DPP10: variants seen among roughly 807,000 people sequenced by gnomAD.
The protein encoded by DPP10 is inactive dipeptidyl peptidase 10.
A neutral mutation model predicts 120.9 loss-of-function variants in DPP10; 33 were observed. The ratio of observed to expected loss-of-function variants is 0.27; its 90% CI spans 0.21 to 0.37. The LOEUF (loss-of-function observed/expected upper bound fraction) is 0.37, where lower values mean the gene tolerates loss of function less well. Among genes scored for constraint, DPP10 ranks in the 10% least tolerant of loss-of-function variants. The pLI, the probability that DPP10 is intolerant of heterozygous loss-of-function variation, is 1.00. For missense variants in DPP10, 816 were observed against 942.8 expected, an observed-to-expected ratio of 0.87 and a Z score of 1.76; for synonymous variants, 337 against 326.1, an observed-to-expected ratio of 1.03 and a Z score of -0.36.
At chr2:114,905,495 TA>T (rs1322517888) in intron 1 of DPP10, among the ~76,000 whole-genome samples, 5 of 152,212 alleles carry the variant, frequency 3.3e-5, no homozygotes, top group Admixed American at 6.5e-5. Context: ...ACTTTTATTT[TA>T]AATTCGGATT....
intron 3 of DPP10, among the ~76,000 whole-genome samples, chr2:115,348,676 G>A (rs2063833824): frequency 6.6e-6 from 1 of 151,918 alleles, no homozygotes; most frequent in Non-Finnish European, 1.5e-5. Context: ...AAATTTATCT[G>A]ATGGAGTATA....
At chr2:115,032,896 A>AG (rs1356138391) in intron 1 of DPP10, among the ~76,000 whole-genome samples, 23 of 151,548 alleles carry the variant, frequency 1.5e-4, no homozygotes, top group Admixed American at 7.2e-4. Context: ...AAAAAAAAAA[A>AG]AAGAAGAAGA....
At chr2:114,943,626 C>T (rs1284300237) in intron 1 of DPP10, among the ~76,000 whole-genome samples, 1 of 152,074 alleles carries the variant, frequency 6.6e-6, no homozygotes. Context: ...GGGTTGGTTC[C>T]AAGTCTTTGC....
At chr2:115,405,507 C>T (rs572252330) in intron 3 of DPP10, among the ~76,000 whole-genome samples, 1 of 152,152 alleles carries the variant, frequency 6.6e-6, no homozygotes, top group East Asian at 1.9e-4. Flanking sequence ...GGTCTGGAGT[C>T]CAGAGGGAAG....
At chr2:114,920,130 T>C (rs189503468) in intron 1 of DPP10, among the ~76,000 whole-genome samples, 1 of 152,326 alleles carries the variant, frequency 6.6e-6, no homozygotes, top group East Asian at 1.9e-4. Context: ...GCAGAATGGC[T>C]AGCTTCGGGA....
intron 3 of DPP10, among the ~76,000 whole-genome samples, chr2:115,420,958 C>G (rs947290875): frequency 6.6e-6 from 1 of 152,132 alleles, no homozygotes; most frequent in Non-Finnish European, 1.5e-5. Flanking sequence ...TCTAGAAATA[C>G]GTAATTTTAT....
At chr2:115,759,391 C>G (rs1158182219) in intron 11 of DPP10, among the ~76,000 whole-genome samples, 1 of 146,480 alleles carries the variant, frequency 6.8e-6, no homozygotes, top group African/African-American at 2.6e-5. Context: ...GATCCCATTT[C>G]TATATAAAAA....
chr2:115,797,049 C>A (rs1301575450), intron 19 of DPP10, among the ~76,000 whole-genome samples: 1 of 152,014 alleles, frequency 6.6e-6, no homozygotes, highest in Non-Finnish European at 1.5e-5. Flanking sequence ...GGCTTCTCTA[C>A]TGCCAAATTC....
intron 5 of DPP10, among the ~76,000 whole-genome samples, chr2:115,664,596 A>G (rs1277152713): frequency 6.6e-6 from 1 of 152,158 alleles, no homozygotes. Context: ...TGCTTTTCTC[A>G]AGAAAAATCT....
chr2:115,772,078 A>G (rs113524963), intron 13 of DPP10, among the ~76,000 whole-genome samples: 3,162 of 152,152 alleles, frequency 0.021, 108 homozygotes, highest in African/African-American at 0.071. Flanking sequence ...AAAAGAATGC[A>G]TGTGTTTTCC....
At chr2:115,284,623 A>C (rs2060291599) in intron 1 of DPP10, among the ~76,000 whole-genome samples, 1 of 152,024 alleles carries the variant, frequency 6.6e-6, no homozygotes, top group Non-Finnish European at 1.5e-5. Flanking sequence ...TGCTGTTGTT[A>C]GGAGGTAGCT....
intron 3 of DPP10, among the ~76,000 whole-genome samples, chr2:115,380,470 G>C (rs569406672): frequency 6.6e-4 from 101 of 152,258 alleles, no homozygotes; most frequent in African/African-American, 2.3e-3. Flanking sequence ...TGGGTTTCCT[G>C]AATACAGCAC....
rs544327296 is a variant in DPP10 at position 115,125,993 on chromosome 2, T to A, written c.61-183246T>A. ...TGAGATCGTGTATATATTTCCAAAATGACCAAATACATACTTTTATTGAAA... is the reference window on the plus strand; with the variant it reads ...TGAGATCGTGTATATATTTCCAAAAAGACCAAATACATACTTTTATTGAAA... On this transcript the variant is annotated intron_variant, in intron 1 of 25. Transcript: ENST00000410059. Among the ~76,000 whole-genome samples the A allele has an allele frequency of 1.3e-4, 20 of 152,350 alleles. No homozygotes were observed. In the South Asian group the frequency reaches 3.9e-3, roughly 30 times the overall value.
At chr2:115,270,355 G>T (rs2059647116) in intron 1 of DPP10, among the ~76,000 whole-genome samples, 1 of 152,034 alleles carries the variant, frequency 6.6e-6, no homozygotes, top group African/African-American at 2.4e-5. Context: ...CAGGGGGCAA[G>T]GTTGCAGGGG....
chr2:115,389,784 T>C (rs1478742001), intron 3 of DPP10, among the ~76,000 whole-genome samples: 3 of 151,888 alleles, frequency 2.0e-5, no homozygotes, highest in Non-Finnish European at 4.4e-5. Flanking sequence ...AGTTTATGAT[T>C]ATTTATCTTA....
intron 5 of DPP10, among the ~76,000 whole-genome samples, chr2:115,553,786 A>G (rs1387510507): frequency 6.6e-6 from 1 of 151,690 alleles, no homozygotes; most frequent in Non-Finnish European, 1.5e-5. Flanking sequence ...ATGCTTATAT[A>G]GATGTTTCTT....
At chr2:115,765,959 G>A (rs1680654261) in intron 12 of DPP10, among the ~76,000 whole-genome samples, 1 of 152,014 alleles carries the variant, frequency 6.6e-6, no homozygotes, top group Non-Finnish European at 1.5e-5. Flanking sequence ...GTCAAGAGAT[G>A]TATTGTGAAT....
chr2:114,936,641 C>G (rs1696505106), intron 1 of DPP10, among the ~76,000 whole-genome samples: 2 of 151,992 alleles, frequency 1.3e-5, no homozygotes, highest in South Asian at 4.1e-4. Flanking sequence ...GGTGGATCTA[C>G]TTTTGTTTCT....
At chr2:115,544,614 G>A (rs1365792811) in intron 5 of DPP10, among the ~76,000 whole-genome samples, 1 of 152,006 alleles carries the variant, frequency 6.6e-6, no homozygotes, top group Non-Finnish European at 1.5e-5. Context: ...CCCATCAAGA[G>A]TATAACTCTG....
Sources: allele counts gnomAD v4.1 joint callset (sites outside exome capture counted in the v4.1 genomes callset), GRCh38; gene constraint gnomAD v4.1.1; transcripts MANE v1.5; gene names NCBI Gene and HGNC (gene_info 2026-07-23, HGNC 2026-07-21).